Variants in TTC28 observed in about 807,000 individuals in gnomAD.
TTC28 encodes tetratricopeptide repeat protein 28.
In TTC28, 61 loss-of-function variants were observed where a neutral mutation model predicts 198.0. The observed-to-expected ratio is 0.31, with a 90% CI of 0.25 to 0.38. The LOEUF (loss-of-function observed/expected upper bound fraction) is 0.38, where lower values mean the gene tolerates loss of function less well. Ranked by LOEUF, TTC28 falls within the 10% of genes least tolerant of loss-of-function variation. The pLI is 1.00. For missense variants in TTC28, 2,678 were observed against 3,164.0 expected (o/e 0.85, Z 3.69); for synonymous variants, 1,171 against 1,297.8 (o/e 0.90, Z 2.10).
At chr22:28,193,229 C>T (rs1035261772) in intron 5 of TTC28, among the ~76,000 whole-genome samples, 4 of 152,066 alleles carry the variant, frequency 2.6e-5, no homozygotes, top group Non-Finnish European at 2.9e-5. Flanking sequence ...TACAGACAAG[C>T]GAATGCTGAG....
intron 2 of TTC28, among the ~76,000 whole-genome samples, chr22:28,318,283 C>T (rs974268286): frequency 1.3e-5 from 2 of 151,972 alleles, no homozygotes; most frequent in South Asian, 2.1e-4. Context: ...GTTAAGAAAA[C>T]CAGATTTTCT....
At chr22:28,320,973 T>C (rs1002049650) in intron 2 of TTC28, among the ~76,000 whole-genome samples, 2 of 152,232 alleles carry the variant, frequency 1.3e-5, no homozygotes, top group African/African-American at 4.8e-5. Flanking sequence ...AAGAATGTGT[T>C]CTTTGCTGAT....
intron 2 of TTC28, among the ~76,000 whole-genome samples, chr22:28,393,201 A>G (rs898661001): frequency 6.6e-6 from 1 of 152,026 alleles, no homozygotes; most frequent in Non-Finnish European, 1.5e-5. Flanking sequence ...ATATTTTCAA[A>G]CTAGATGATC....
chr22:28,459,860 A>T (rs2047921254), intron 2 of TTC28: 1 of 152,116 alleles, frequency 6.6e-6, no homozygotes, highest in Non-Finnish European at 1.5e-5. Context: ...CTGGTCTCAA[A>T]CACTCCAGGG....
intron 2 of TTC28, among the ~76,000 whole-genome samples, chr22:28,529,664 A>G (rs2049088943): frequency 6.6e-6 from 1 of 152,200 alleles, no homozygotes; most frequent in Non-Finnish European, 1.5e-5. Context: ...AGTAGGGGCC[A>G]ACTGACACCT....
intron 12 of TTC28, among the ~76,000 whole-genome samples, chr22:28,082,029 T>C (rs1941384153): frequency 6.6e-6 from 1 of 152,238 alleles, no homozygotes. Context: ...TAAGTGGGAT[T>C]GTTTTCTGAA....
At chr22:28,186,478 T>C (rs1220145655) in intron 5 of TTC28, among the ~76,000 whole-genome samples, 1 of 152,190 alleles carries the variant, frequency 6.6e-6, no homozygotes, top group African/African-American at 2.4e-5. Flanking sequence ...TATAAGTTTA[T>C]TCCATTCAGG....
At position 28,527,912 on chromosome 22, in the gene TTC28, C is replaced by T. The variant is rs573399356; in HGVS notation, c.381+101640G>A. On this transcript the variant is annotated intron_variant, in intron 2 of 22. Coordinates refer to ENST00000397906, the MANE Select transcript of TTC28 (RefSeq NM_001145418.2). ...CCTCCCAAGGTTTACAGGCATGAGC[C>T]GCCACCACCATGACATAGCAGGAGG... Among the ~76,000 whole-genome samples the T allele has an allele frequency of 9.9e-5, 15 of 152,276 alleles. No homozygotes were observed. The East Asian group carries it at 2.5e-3, about 25-fold the overall frequency.
At chr22:28,294,952 T>G (rs1318646171) in intron 5 of TTC28, among the ~76,000 whole-genome samples, 1 of 152,244 alleles carries the variant, frequency 6.6e-6, no homozygotes, top group African/African-American at 2.4e-5. Context: ...TAAACCTGGC[T>G]CTCACTTCTT....
At chr22:28,226,544 C>T (rs913590154) in intron 5 of TTC28, among the ~76,000 whole-genome samples, 70 of 151,914 alleles carry the variant, frequency 4.6e-4, no homozygotes, top group South Asian at 2.1e-4. Context: ...CTCCCACCTC[C>T]GCCTTCCGAG....
intron 2 of TTC28, among the ~76,000 whole-genome samples, chr22:28,313,136 C>A (rs907156251): frequency 6.6e-6 from 1 of 152,124 alleles, no homozygotes; most frequent in African/African-American, 2.4e-5. Flanking sequence ...TTCCTTGACA[C>A]GTACACTCAC....
intron 5 of TTC28, among the ~76,000 whole-genome samples, chr22:28,293,621 T>C (rs1330100229): frequency 2.0e-5 from 3 of 152,110 alleles, no homozygotes; most frequent in Non-Finnish European, 4.4e-5. Context: ...AGATATGAAA[T>C]GTTCCCCCCC....
At chr22:28,457,266 T>A (rs1447199984) in intron 2 of TTC28, among the ~76,000 whole-genome samples, 1 of 152,196 alleles carries the variant, frequency 6.6e-6, no homozygotes, top group Admixed American at 6.5e-5. Flanking sequence ...TAACCTAATA[T>A]ATCTCAGCTA....
chr22:28,628,399 T>C (rs1456128590), intron 2 of TTC28, among the ~76,000 whole-genome samples: 2 of 152,214 alleles, frequency 1.3e-5, no homozygotes, highest in Non-Finnish European at 2.9e-5. Context: ...GTAATTATTG[T>C]AGTCGAATTA....
At position 28,189,612 on chromosome 22, in the gene TTC28, C is replaced by A. The variant is rs1924541748; in HGVS notation, c.934-26013G>T. On this transcript the variant is annotated intron_variant, in intron 5 of 22. Transcript: ENST00000397906. ...AAAGACCTTCTGTGAAATTTCAGGT[C>A]ACCAGGGACAAAGGAAAGATCTCCA... 2.0e-5 allele frequency among the ~76,000 whole-genome samples: 3 copies of A among 150,204 alleles called. No individual in the cohort carries two copies. In the South Asian group the frequency reaches 6.3e-4, roughly 32 times the overall value.
chr22:28,342,964 C>T lies in TTC28; in HGVS notation c.382-36321G>A, dbSNP rs77970092. 5.0e-4 allele frequency among the ~76,000 whole-genome samples: 76 copies of T among 152,206 alleles called. No homozygotes were observed. In the East Asian group the frequency reaches 0.011, roughly 21 times the overall value. On this transcript the variant is annotated intron_variant, in intron 2 of 22. Coordinates refer to ENST00000397906, the MANE Select transcript of TTC28 (RefSeq NM_001145418.2). ...ACCTTTCAATTCACATCAGTCTTTG[C>T]TACTAGAGAACCAACTACTCTCACA...
In TTC28 at chr22:28,328,791, AT is replaced by A. The variant is rs1352360123; in HGVS notation, c.382-22149del. ...AATAATAATAATAATAATAATAATA[AT>A]AATAATAATAATATGTTCTGAAGAG... On this transcript the variant is annotated intron_variant, in intron 2 of 22. Transcript: ENST00000397906. Among the ~76,000 whole-genome samples, 575 of 144,158 alleles carry A rather than the reference AT, an allele frequency of 4.0e-3. 4 individuals carry two copies. The highest frequency in any genetic ancestry group is 0.02 in the Admixed American group (297 of 14,592). 94.6% of individuals were successfully genotyped at this position (144,158 alleles called of 152,430 possible).
intron 2 of TTC28, among the ~76,000 whole-genome samples, chr22:28,459,711 T>G (rs2047919256): frequency 6.6e-6 from 1 of 152,234 alleles, no homozygotes; most frequent in South Asian, 2.1e-4. Flanking sequence ...CTTACCCAAG[T>G]TTTTTTTATT....
At chr22:28,443,580 T>A (rs74399760) in intron 2 of TTC28, among the ~76,000 whole-genome samples, 3 of 151,668 alleles carry the variant, frequency 2.0e-5, no homozygotes, top group Non-Finnish European at 2.9e-5. Context: ...TTTTTTTTTT[T>A]AATTCCCAAG....
Sources: allele counts gnomAD v4.1 joint callset (sites outside exome capture counted in the v4.1 genomes callset), GRCh38; gene constraint gnomAD v4.1.1; transcripts MANE v1.5; gene names NCBI Gene and HGNC (gene_info 2026-07-23, HGNC 2026-07-21).